The following AKR1C3 variants were observed in gnomAD, a reference collection of about 807,000 sequenced individuals.
The protein encoded by AKR1C3 is aldo-keto reductase family 1 member C3, also known as 3-alpha hydroxysteroid dehydrogenase, type II.
A neutral mutation model predicts 43.6 loss-of-function variants in AKR1C3; 48 were observed. The observed-to-expected ratio is 1.10, with a 90% CI of 0.87 to 1.40. AKR1C3 has a LOEUF of 1.40. Ranked by LOEUF, AKR1C3 falls within the 40% of genes most tolerant of loss-of-function variation. The pLI is 0.00. For missense variants in AKR1C3, 482 were observed against 391.2 expected (o/e 1.23, Z -1.96); for synonymous variants, 162 against 139.6 (o/e 1.16, Z -1.13).
At chr10:5,066,139 C>T (rs1010618224) in intron 1 of AKR1C3, among the ~76,000 whole-genome samples, 13 of 152,194 alleles carry the variant, frequency 8.5e-5, no homozygotes, top group African/African-American at 2.6e-4. Context: ...CCTATGCTGT[C>T]GAGAATGTTT....
At position 5,103,415 on chromosome 10, in the gene AKR1C3, TAAAC is replaced by T. The variant is rs1447142154; in HGVS notation, c.846+769_846+772del. Among the ~76,000 whole-genome samples the T allele has an allele frequency of 2.6e-5, 4 of 152,100 alleles. No individual in the cohort carries two copies. In the East Asian group the frequency reaches 5.8e-4, roughly 22 times the overall value. ...TAATTATACTATTAAATAGAGCTGT[TAAAC>T]AAATCACCCTCAACATAGGGGTTTA... On this transcript the variant is annotated intron_variant, in intron 7 of 8. Transcript: ENST00000380554.
chr10:5,092,438 A>C (rs1839114254), upstream of AKR1C3, among the ~76,000 whole-genome samples: 1 of 149,154 alleles, frequency 6.7e-6, no homozygotes, highest in African/African-American at 2.5e-5. Flanking sequence ...ACTTGGCTTG[A>C]TGGTGTCCTA....
chr10:5,076,095 G>A (rs574114246), intron 1 of AKR1C3, among the ~76,000 whole-genome samples: 147 of 152,156 alleles, frequency 9.7e-4, no homozygotes, highest in African/African-American at 3.1e-3. Flanking sequence ...CTGTTTTTAC[G>A]GTTGCAAACA....
intron 1 of AKR1C3, among the ~76,000 whole-genome samples, chr10:5,056,839 C>T (rs995213874): frequency 6.6e-6 from 1 of 152,150 alleles, no homozygotes; most frequent in Non-Finnish European, 1.5e-5. Flanking sequence ...GCAAAGTCTC[C>T]CAATTACAAC....
chr10:5,100,380 G>T (rs1554785771), intron 5 of AKR1C3, among the ~76,000 whole-genome samples: 1 of 152,174 alleles, frequency 6.6e-6, no homozygotes, highest in Admixed American at 6.5e-5. Context: ...GCAGAACATA[G>T]ACCTGACCTA....
intron 1 of AKR1C3, among the ~76,000 whole-genome samples, chr10:5,051,835 A>G (rs1239379108): frequency 2.6e-5 from 4 of 152,230 alleles, no homozygotes; most frequent in Non-Finnish European, 2.9e-5. Context: ...AGGGAAAGAC[A>G]ATAAATTTGT....
intron 5 of AKR1C3, among the ~76,000 whole-genome samples, chr10:5,100,725 C>T (rs782578611): frequency 2.6e-5 from 4 of 152,008 alleles, no homozygotes; most frequent in Non-Finnish European, 5.9e-5. Flanking sequence ...CCATCATATC[C>T]AAATAGAAAC....
intron 1 of AKR1C3, among the ~76,000 whole-genome samples, chr10:5,072,142 GT>G (rs1477521089): frequency 1.3e-5 from 2 of 152,152 alleles, no homozygotes; most frequent in African/African-American, 2.4e-5. Flanking sequence ...CTGGGTTCTA[GT>G]ACTATTGAGC....
chr10:5,073,802 A>G (rs1030385741), intron 1 of AKR1C3, among the ~76,000 whole-genome samples: 2 of 151,916 alleles, frequency 1.3e-5, no homozygotes, highest in Non-Finnish European at 2.9e-5. Flanking sequence ...TTCCTCCTTG[A>G]CCTCACCCTG....
intron 5 of AKR1C3, among the ~76,000 whole-genome samples, chr10:5,100,400 A>G (rs180708573): frequency 2.4e-4 from 37 of 152,202 alleles, no homozygotes; most frequent in African/African-American, 8.4e-4. Context: ...ATCACTGCCC[A>G]TGTCTTAGTC....
chr10:5,100,851 A>G (rs1295943838), intron 5 of AKR1C3, among the ~76,000 whole-genome samples: 2 of 152,202 alleles, frequency 1.3e-5, no homozygotes, highest in African/African-American at 4.8e-5. Flanking sequence ...TTATATTCAA[A>G]ATTGTTAACA....
Position 5,048,827 on chromosome 10 carries a change from C to CCATCACACATT in AKR1C3, c.16_17insCATCACACATT (p.Gln6ProfsTer7). 1 of 1,613,718 alleles carries CCATCACACATT rather than the reference C, an allele frequency of 6.2e-7. No homozygotes were observed. Among genetic ancestry groups the CCATCACACATT allele is most frequent in the Non-Finnish European group, 8.5e-7 (1 of 1,179,830 alleles). ...AGTGACAGTGATGGATTCAAAACAT[C>CCATCACACATT]AGTGTTTGAAGCTAAATGATGGTCA... On this transcript the variant is annotated frameshift_variant, in exon 1 of 9. Transcript: ENST00000439082. LOFTEE classifies it high-confidence loss of function.
chr10:5,104,527 ACT>A (rs1839449677), intron 7 of AKR1C3, among the ~76,000 whole-genome samples: 1 of 136,880 alleles, frequency 7.3e-6, no homozygotes, highest in Non-Finnish European at 1.7e-5. Context: ...TTTTTTTCTA[ACT>A]CTTTATTTTA....
chr10:5,094,648 T>A, intron 1 of AKR1C3, 120 bp downstream of exon 1: 1 of 1,096,726 alleles, frequency 9.1e-7, no homozygotes, highest in Non-Finnish European at 1.3e-6. Context: ...CTGGTCTAGG[T>A]TTCCTAGGCT....
intron 1 of AKR1C3, among the ~76,000 whole-genome samples, chr10:5,054,174 G>C (rs1838213567): frequency 6.6e-6 from 1 of 152,218 alleles, no homozygotes; most frequent in Admixed American, 6.5e-5. Context: ...CAGTGAGGAG[G>C]TCTAGGCCTC....
intron 7 of AKR1C3, among the ~76,000 whole-genome samples, chr10:5,102,963 C>CA (rs1839397316): frequency 6.7e-6 from 1 of 149,218 alleles, no homozygotes; most frequent in Non-Finnish European, 1.5e-5. Context: ...TTTTTTGAGA[C>CA]AGAGTCTCAT....
chr10:5,096,109 TA>T, intron 1 of AKR1C3: 1 of 237,396 alleles, frequency 4.2e-6, no homozygotes, highest in Non-Finnish European at 8.2e-6. Context: ...AATATCACTA[TA>T]TTAAAAATAA....
rs782226446 is a variant in AKR1C3, at chr10:5,107,246, ACGTGTT to A, written c.930-214_930-209del. On this transcript the variant is annotated intron_variant, in intron 8 of 8. Transcript: ENST00000380554. ...TTGAATATTTGACTTTGTGTGTTTT[ACGTGTT>A]AACTTCCAGATAAGGGAATATGATT... Among the ~76,000 whole-genome samples the A allele has an allele frequency of 1.2e-3, 178 of 152,348 alleles. 1 individual carries two copies. The highest frequency in any genetic ancestry group is 0.01 in the Middle Eastern group (3 of 294).
chr10:5,055,261 G>T (rs1320917092), intron 1 of AKR1C3, among the ~76,000 whole-genome samples: 1 of 152,248 alleles, frequency 6.6e-6, no homozygotes, highest in Non-Finnish European at 1.5e-5. Flanking sequence ...GGACTTCTAA[G>T]AGATCATCTC....
Sources: gnomAD v4.1 joint callset for allele counts (sites outside exome capture counted in the v4.1 genomes callset) on GRCh38, gnomAD v4.1.1 for gene constraint, MANE v1.5 for transcripts, NCBI Gene and HGNC (gene_info 2026-07-23, HGNC 2026-07-21) for gene names.